Variants in GRIP1 observed in about 807,000 individuals in gnomAD.
GRIP1 encodes glutamate receptor-interacting protein 1.
A neutral mutation model predicts 129.9 loss-of-function variants in GRIP1; 45 were observed. The observed-to-expected ratio is 0.35, with a 90% CI of 0.27 to 0.44. The LOEUF is 0.44. GRIP1 is among the 20% of genes least tolerant of loss of function. The pLI is 1.00. For synonymous variants in GRIP1, 530 were observed against 520.8 expected, an observed-to-expected ratio of 1.02 and a Z score of -0.24; for missense variants, 1,196 against 1,396.8, an observed-to-expected ratio of 0.86 and a Z score of 2.29.
intron 1 of GRIP1, among the ~76,000 whole-genome samples, chr12:66,694,640 C>T (rs1197783972): frequency 1.3e-5 from 2 of 152,076 alleles, no homozygotes; most frequent in African/African-American, 2.4e-5. Context: ...TAGCATAGTG[C>T]GTGATAAACA....
At chr12:66,791,370 G>A (rs1190547709) in intron 1 of GRIP1, among the ~76,000 whole-genome samples, 1 of 152,176 alleles carries the variant, frequency 6.6e-6, no homozygotes, top group Non-Finnish European at 1.5e-5. Flanking sequence ...TAGGGAAAGG[G>A]AAAGAGAGTG....
chr12:67,042,984 T>G (rs1340836116), intron 1 of GRIP1, among the ~76,000 whole-genome samples: 1 of 152,158 alleles, frequency 6.6e-6, no homozygotes, highest in Non-Finnish European at 1.5e-5. Context: ...CAATTTGGAA[T>G]GACAAAGGAT....
At chr12:66,859,491 T>C (rs897295531) in intron 1 of GRIP1, among the ~76,000 whole-genome samples, 12 of 151,862 alleles carry the variant, frequency 7.9e-5, no homozygotes, top group South Asian at 2.1e-4. Flanking sequence ...CATAAATAAA[T>C]AATACAAGTA....
At chr12:66,854,532 A>G (rs1410448388) in intron 1 of GRIP1, among the ~76,000 whole-genome samples, 1 of 152,078 alleles carries the variant, frequency 6.6e-6, no homozygotes, top group Non-Finnish European at 1.5e-5. Flanking sequence ...ATTATATGCC[A>G]GGTTCTTATA....
chr12:66,507,149 A>G (rs1360814780), intron 7 of GRIP1, among the ~76,000 whole-genome samples: 2 of 152,192 alleles, frequency 1.3e-5, no homozygotes, highest in East Asian at 3.8e-4. Context: ...AGAAACTGAT[A>G]AAGTATGGGC....
chr12:66,465,554 T>A, intron 7 of GRIP1, 132 bp from the exon 8 acceptor site: 1 of 744,592 alleles, frequency 1.3e-6, no homozygotes, highest in Non-Finnish European at 2.3e-6. Flanking sequence ...TTTCCCTCCA[T>A]ATAATATCCC....
intron 1 of GRIP1, among the ~76,000 whole-genome samples, chr12:67,013,434 G>A (rs2042738361): frequency 6.6e-6 from 1 of 152,004 alleles, no homozygotes; most frequent in Non-Finnish European, 1.5e-5. Context: ...GTAATTTATT[G>A]GCCAAATCCT....
At chr12:66,754,641 C>T (rs2037231061) in intron 1 of GRIP1, among the ~76,000 whole-genome samples, 1 of 152,164 alleles carries the variant, frequency 6.6e-6, no homozygotes, top group Admixed American at 6.5e-5. Context: ...TAAACCACTG[C>T]CCTTTAACAC....
chr12:67,048,692 G>A (rs969368770), intron 1 of GRIP1, among the ~76,000 whole-genome samples: 7 of 152,114 alleles, frequency 4.6e-5, no homozygotes, highest in Non-Finnish European at 7.3e-5. Context: ...AAACCCGAAG[G>A]CAGGTAATTG....
At chr12:66,855,916 A>G in intron 1 of GRIP1, among the ~76,000 whole-genome samples, 1 of 152,010 alleles carries the variant, frequency 6.6e-6, no homozygotes. Flanking sequence ...AAAAGTTTTG[A>G]TACATCTTGC....
intron 1 of GRIP1, among the ~76,000 whole-genome samples, chr12:66,946,769 G>T (rs1335780813): frequency 1.8e-5 from 2 of 113,314 alleles, no homozygotes; most frequent in African/African-American, 7.8e-5. Flanking sequence ...CGGGGGTCGG[G>T]GGGTGGGGTG....
intron 15 of GRIP1, among the ~76,000 whole-genome samples, chr12:66,417,088 A>G (rs2057634313): frequency 6.6e-6 from 1 of 152,186 alleles, no homozygotes; most frequent in Admixed American, 6.5e-5. Context: ...AAGATGATTC[A>G]TCACAACCAA....
chr12:66,812,316 G>T (rs1396875303), intron 1 of GRIP1, among the ~76,000 whole-genome samples: 2 of 152,110 alleles, frequency 1.3e-5, no homozygotes, highest in Non-Finnish European at 2.9e-5. Flanking sequence ...TGTATTTTTA[G>T]TAGAGATGGG....
chr12:66,653,296 C>T lies in GRIP1; in HGVS notation c.55+25554G>A, dbSNP rs117049683. Among the ~76,000 whole-genome samples, 164 of 152,234 alleles carry T rather than the reference C, an allele frequency of 1.1e-3. 3 individuals are homozygous for T. In the East Asian group the frequency reaches 0.031, roughly 29 times the overall value. ...AAATATCTCTTTTTAGGTAAAATAC[C>T]AAATTGTTAAAACCAGGGCCTTTAT... is the stretch of plus-strand genomic sequence containing the variant. On this transcript the variant is annotated intron_variant, in intron 1 of 24. Coordinates refer to ENST00000359742, the MANE Select transcript of GRIP1 (RefSeq NM_001366722.1).
intron 1 of GRIP1, among the ~76,000 whole-genome samples, chr12:66,813,193 G>A (rs1440959074): frequency 5.3e-5 from 8 of 152,196 alleles, no homozygotes; most frequent in African/African-American, 1.9e-4. Context: ...GATTATGGCA[G>A]AAGGTAAAGG....
At chr12:66,961,010 A>G (rs2041913911) in intron 1 of GRIP1, among the ~76,000 whole-genome samples, 1 of 152,164 alleles carries the variant, frequency 6.6e-6, no homozygotes, top group Non-Finnish European at 1.5e-5. Flanking sequence ...GAGTTTAATG[A>G]GAAGTGCTGC....
chr12:66,816,448 A>C (rs1449185706), intron 1 of GRIP1, among the ~76,000 whole-genome samples: 1 of 152,198 alleles, frequency 6.6e-6, no homozygotes, highest in Non-Finnish European at 1.5e-5. Flanking sequence ...CTCTATCAAA[A>C]TTTAATTTTC....
chr12:66,898,232 G>C (rs891243248), intron 1 of GRIP1, among the ~76,000 whole-genome samples: 1 of 152,166 alleles, frequency 6.6e-6, no homozygotes, highest in Admixed American at 6.5e-5. Flanking sequence ...CCGAGACACA[G>C]AGTCCTTAGC....
intron 1 of GRIP1, among the ~76,000 whole-genome samples, chr12:66,824,561 C>A (rs1417996773): frequency 1.3e-5 from 2 of 152,154 alleles, no homozygotes; most frequent in South Asian, 4.1e-4. Context: ...TTTGCATAAC[C>A]TGGACAAGTG....
Sources: gnomAD v4.1 joint callset for allele counts (sites outside exome capture counted in the v4.1 genomes callset) on GRCh38, gnomAD v4.1.1 for gene constraint, MANE v1.5 for transcripts, NCBI Gene and HGNC (gene_info 2026-07-23, HGNC 2026-07-21) for gene names.